The following ESRRG variants were observed in gnomAD, a reference collection of about 807,000 sequenced individuals.
ESRRG encodes estrogen related receptor gamma.
Under a neutral mutation model 44.0 loss-of-function variants are expected in ESRRG, and 13 were observed. That is an observed-to-expected ratio of 0.30 (90% confidence interval 0.19 to 0.47). The LOEUF (loss-of-function observed/expected upper bound fraction) is 0.47. Ranked by LOEUF, ESRRG falls within the 20% of genes least tolerant of loss-of-function variation. The probability of loss-of-function intolerance (pLI) is 1.00; values close to 1 mark genes in which losing one functional copy is unlikely to be tolerated. For synonymous variants in ESRRG, 215 were observed against 214.6 expected (o/e 1.00, Z -0.02); for missense variants, 395 against 580.6 (o/e 0.68, Z 3.29).
rs532638112 is a variant in ESRRG at position 216,909,060 on chromosome 1, C to T, written c.-14+30522G>A. ...ATATATTTCCTCGACCTCTACTTTT[C>T]GAGTACATGGGTAGAAATTCTGAGA... On this transcript the variant is annotated intron_variant, in intron 2 of 7. Transcript: ENST00000359162. Among the ~76,000 whole-genome samples the T allele has an allele frequency of 2.7e-4, 41 of 151,928 alleles. 1 individual carries two copies. Among genetic ancestry groups the T allele is most frequent in the Admixed American group, 2.4e-3 (36 of 15,236 alleles).
At chr1:216,818,687 G>A (rs1165473641) in intron 2 of ESRRG, among the ~76,000 whole-genome samples, 2 of 151,980 alleles carry the variant, frequency 1.3e-5, no homozygotes, top group Non-Finnish European at 2.9e-5. Context: ...TGCCATGGTG[G>A]TTTGCTGCAT....
chr1:216,915,661 T>C (rs2061070317), intron 2 of ESRRG, among the ~76,000 whole-genome samples: 1 of 152,160 alleles, frequency 6.6e-6, no homozygotes, highest in Non-Finnish European at 1.5e-5. Context: ...CAGTAGCAGA[T>C]GCACAGGATG....
intron 5 of ESRRG, among the ~76,000 whole-genome samples, chr1:216,541,561 A>AGT (rs34245595): frequency 0.086 from 11,224 of 130,206 alleles, 583 homozygotes; most frequent in East Asian, 0.21. Context: ...TCTTTTGGTT[A>AGT]GTGTGTGTGT....
At chr1:216,557,347 G>A (rs1156967436) in intron 5 of ESRRG, among the ~76,000 whole-genome samples, 2 of 151,864 alleles carry the variant, frequency 1.3e-5, no homozygotes, top group African/African-American at 2.4e-5. Context: ...TAGGTAATCT[G>A]GAACAAATGA....
intron 2 of ESRRG, among the ~76,000 whole-genome samples, chr1:216,661,423 G>C (rs1454574991): frequency 3.9e-5 from 6 of 152,218 alleles, no homozygotes; most frequent in Admixed American, 3.9e-4. Context: ...TTCAAAACAT[G>C]CAACAACAAC....
At chr1:216,643,276 A>G (rs1317461258) in intron 3 of ESRRG, among the ~76,000 whole-genome samples, 1 of 152,204 alleles carries the variant, frequency 6.6e-6, no homozygotes, top group Non-Finnish European at 1.5e-5. Context: ...TGTCTTCTCT[A>G]AAAAGGTGGA....
chr1:216,823,029 G>A lies in ESRRG; in HGVS notation c.-14+116553C>T, dbSNP rs577572739. ...ATTAGAAAAGGGAAAGAATGTCTTC[G>A]ACTTGTAGCTTAGCCTTCCAGCTCT... On this transcript the variant is annotated intron_variant, in intron 2 of 7. Coordinates refer to the ESRRG transcript ENST00000359162. Among the ~76,000 whole-genome samples the A allele has an allele frequency of 7.2e-5, 11 of 151,966 alleles. No individual in the cohort carries two copies. The South Asian group carries it at 2.1e-3, about 29-fold the overall frequency.
intron 3 of ESRRG, among the ~76,000 whole-genome samples, chr1:216,593,163 A>C (rs994546973): frequency 2.6e-5 from 4 of 152,240 alleles, no homozygotes; most frequent in Non-Finnish European, 5.9e-5. Flanking sequence ...AATGAATAAC[A>C]GTCACTATGC....
intron 1 of ESRRG, 143 bp from the exon 2 acceptor site, chr1:216,677,634 A>G: frequency 2.8e-6 from 2 of 706,298 alleles, no homozygotes; most frequent in Non-Finnish European, 4.6e-6. Flanking sequence ...CAGAATTCAT[A>G]TGTTAAAGAC....
chr1:217,125,086 T>C (rs1467897434), intron 1 of ESRRG, among the ~76,000 whole-genome samples: 1 of 152,204 alleles, frequency 6.6e-6, no homozygotes, highest in Non-Finnish European at 1.5e-5. Context: ...GGCTGATCTG[T>C]ATCAAGTCTG....
intron 1 of ESRRG, among the ~76,000 whole-genome samples, chr1:217,116,080 A>G (rs1041894252): frequency 4.6e-5 from 7 of 152,220 alleles, no homozygotes; most frequent in Non-Finnish European, 8.8e-5. Flanking sequence ...TAAAAGATTT[A>G]TTAGTGTGTG....
chr1:216,586,831 C>T (rs2149911977), intron 3 of ESRRG, among the ~76,000 whole-genome samples: 1 of 152,220 alleles, frequency 6.6e-6, no homozygotes, highest in East Asian at 1.9e-4. Flanking sequence ...CCCACCTCGG[C>T]CTCCCAAAGT....
intron 5 of ESRRG, among the ~76,000 whole-genome samples, chr1:216,534,396 G>A (rs1002809518): frequency 4.6e-5 from 7 of 152,250 alleles, no homozygotes; most frequent in Middle Eastern, 3.4e-3. Context: ...CTAGATATAT[G>A]AGATGTTATT....
At chr1:216,740,067 C>CT (rs1321521766) in intron 2 of ESRRG, among the ~76,000 whole-genome samples, 3 of 152,174 alleles carry the variant, frequency 2.0e-5, no homozygotes, top group Non-Finnish European at 4.4e-5. Flanking sequence ...CACTGACTTG[C>CT]TATTATTCTA....
At position 216,959,825 on chromosome 1, in the gene ESRRG, C is replaced by T. The variant is rs182561838; in HGVS notation, c.-105-20152G>A. ...TATGCATCTGCATGTATACATACAT[C>T]TGTACATATACATGTATAGAGAATT... is the stretch of plus-strand genomic sequence containing the variant. On this transcript the variant is annotated intron_variant, in intron 1 of 7. Transcript: ENST00000359162. 9 of 152,166 alleles carry T rather than the reference C, an allele frequency of 5.9e-5. No individual in the cohort carries two copies. The East Asian group carries it at 1.7e-3, about 29-fold the overall frequency. The allele number at this position is 152,166 out of a possible 1,614,324, so 9.4% of individuals were successfully genotyped here. A position where few individuals can be genotyped will look rare whatever the true frequency, so the allele number is the denominator to read the frequency against.
At chr1:216,872,984 C>G (rs1258035707) in intron 2 of ESRRG, among the ~76,000 whole-genome samples, 1 of 152,022 alleles carries the variant, frequency 6.6e-6, no homozygotes, top group East Asian at 1.9e-4. Flanking sequence ...AGTTTCAGTC[C>G]ACAAGTTCCA....
At chr1:216,693,286 AT>A (rs79026772) in intron 1 of ESRRG, among the ~76,000 whole-genome samples, 1 of 152,128 alleles carries the variant, frequency 6.6e-6, no homozygotes, top group Non-Finnish European at 1.5e-5. Flanking sequence ...AATTAAAAAA[AT>A]TTTTTATGTG....
chr1:216,542,620 T>G (rs1001158524), intron 5 of ESRRG, among the ~76,000 whole-genome samples: 1 of 152,018 alleles, frequency 6.6e-6, no homozygotes, highest in Non-Finnish European at 1.5e-5. Flanking sequence ...CCTTCAAAAC[T>G]TTTTTTAAAC....
At chr1:216,959,215 C>T (rs1865921) in intron 1 of ESRRG, among the ~76,000 whole-genome samples, 78,221 of 151,694 alleles carry the variant, frequency 0.52, 21,873 homozygotes, top group Middle Eastern at 0.7. Flanking sequence ...ATTCCCAGAT[C>T]CTAGAACAAG....
Sources: allele counts gnomAD v4.1 joint callset (sites outside exome capture counted in the v4.1 genomes callset), GRCh38; gene constraint gnomAD v4.1.1; transcripts MANE v1.5; gene names NCBI Gene and HGNC (gene_info 2026-07-23, HGNC 2026-07-21).